Variants in STXBP5L observed in about 807,000 individuals in gnomAD.
STXBP5L encodes the protein syntaxin-binding protein 5-like.
Under a neutral mutation model 144.5 loss-of-function variants are expected in STXBP5L, and 65 were observed. The ratio of observed to expected loss-of-function variants is 0.45; its 90% CI spans 0.37 to 0.55. STXBP5L has a LOEUF of 0.55. Ranked by LOEUF, STXBP5L falls within the 20% of genes least tolerant of loss-of-function variation. The pLI, the probability that STXBP5L is intolerant of heterozygous loss-of-function variation, is 0.00. For synonymous variants in STXBP5L, 505 were observed against 469.6 expected (o/e 1.08, Z -0.97); for missense variants, 1,298 against 1,405.5 (o/e 0.92, Z 1.22).
intron 2 of STXBP5L, among the ~76,000 whole-genome samples, chr3:120,944,527 T>C (rs1475142677): frequency 6.6e-6 from 1 of 151,762 alleles, no homozygotes; most frequent in Non-Finnish European, 1.5e-5. Flanking sequence ...GGATTAGTGC[T>C]TTATTCTTTT....
intron 9 of STXBP5L, among the ~76,000 whole-genome samples, chr3:121,160,452 T>C (rs1437439066): frequency 6.6e-6 from 1 of 152,186 alleles, no homozygotes; most frequent in Non-Finnish European, 1.5e-5. Flanking sequence ...AACAATACAG[T>C]ATCACAACTA....
intron 9 of STXBP5L, among the ~76,000 whole-genome samples, chr3:121,178,389 A>G (rs1038118613): frequency 6.6e-6 from 1 of 152,230 alleles, no homozygotes; most frequent in African/African-American, 2.4e-5. Flanking sequence ...GGCACATTAC[A>G]TCTGTTGAAA....
At chr3:121,394,107 G>A (rs948069527) in intron 22 of STXBP5L, among the ~76,000 whole-genome samples, 14 of 151,980 alleles carry the variant, frequency 9.2e-5, no homozygotes, top group African/African-American at 3.1e-4. Context: ...TCTTTCACTA[G>A]TGTTTTTTAA....
intron 3 of STXBP5L, among the ~76,000 whole-genome samples, chr3:120,994,638 G>C (rs1943193676): frequency 6.6e-6 from 1 of 152,016 alleles, no homozygotes; most frequent in African/African-American, 2.4e-5. Context: ...AATCCTACTT[G>C]ATCATGCTAT....
intron 9 of STXBP5L, among the ~76,000 whole-genome samples, chr3:121,183,432 G>T (rs2047237750): frequency 1.3e-5 from 2 of 152,132 alleles, no homozygotes; most frequent in Admixed American, 6.6e-5. Context: ...TTTGATAAAT[G>T]AATCAGTAAA....
chr3:120,978,621 C>T (rs978362588), intron 3 of STXBP5L, among the ~76,000 whole-genome samples: 3 of 152,106 alleles, frequency 2.0e-5, no homozygotes, highest in Non-Finnish European at 2.9e-5. Flanking sequence ...GAGAGGCACT[C>T]TGCTTTTTAG....
rs540987011 is a variant in STXBP5L, at chr3:121,424,007, A to T, written c.*4910A>T. 3.9e-5 allele frequency: 6 copies of T among 152,344 alleles called. No homozygotes were observed. Among genetic ancestry groups the T allele is most frequent in the Non-Finnish European group, 7.3e-5 (5 of 68,034 alleles). 9.4% of individuals were successfully genotyped at this position (152,344 alleles called of 1,614,324 possible). A position where few individuals can be genotyped will look rare whatever the true frequency, so the allele number is the denominator to read the frequency against. ...TCTTACACATGTGACATCACAAGATACCAGAAGTAGCACAGTAAATTCAAG... is the reference window on the plus strand; with the variant it reads ...TCTTACACATGTGACATCACAAGATTCCAGAAGTAGCACAGTAAATTCAAG... On this transcript the variant is annotated 3_prime_UTR_variant, in exon 27 of 27. Transcript: ENST00000471454.
At chr3:121,224,347 T>G (rs553598742) in intron 11 of STXBP5L, among the ~76,000 whole-genome samples, 15 of 152,304 alleles carry the variant, frequency 9.8e-5, no homozygotes, top group African/African-American at 2.9e-4. Context: ...TGGGATAAAT[T>G]GATATTAAAT....
rs763793317 is a variant in STXBP5L at position 121,418,349 on chromosome 3, C to T, written c.3239C>T (p.Ser1080Leu). The change falls in exon 26 of 27, where the codon TCG becomes TTG. Residue 1080 changes from serine (S) to leucine (L), a missense_variant. Transcript: ENST00000471454. ...CATATATTCTCAGTTGGGGAAGCTT[C>T]GGCAGGAAAAGCATCCCGCAGCCTT... is the stretch of plus-strand genomic sequence containing the variant. Reference protein sequence around the residue: ...FDREELFGEASAGKASRSLAQ... With the variant: ...FDREELFGEALAGKASRSLAQ... 1.2e-6 allele frequency: 2 copies of T among 1,613,074 alleles called. No homozygotes were observed. Among genetic ancestry groups the T allele is most frequent in the Non-Finnish European group, 1.7e-6 (2 of 1,179,458 alleles).
intron 18 of STXBP5L, among the ~76,000 whole-genome samples, chr3:121,270,290 A>C (rs1289075383): frequency 6.6e-6 from 1 of 151,606 alleles, no homozygotes; most frequent in Non-Finnish European, 1.5e-5. Flanking sequence ...AAGAAATTCA[A>C]CATTGATTCA....
chr3:121,189,396 G>A (rs969073690), intron 9 of STXBP5L, among the ~76,000 whole-genome samples: 2 of 151,834 alleles, frequency 1.3e-5, no homozygotes, highest in African/African-American at 4.8e-5. Flanking sequence ...ATTAATTTTT[G>A]TATAAAGTGT....
Position 121,273,327 on chromosome 3 carries a change from A to G in STXBP5L, c.1959-6478A>G, listed in dbSNP as rs188656607. ...TTTTTTTTTTCTTTTTGCGCTTTGA[A>G]TAAATCATCCCATTCTCTGGTGCTG... On this transcript the variant is annotated intron_variant, in intron 18 of 26. Transcript: ENST00000471454. Among the ~76,000 whole-genome samples, 27 of 152,042 alleles carry G rather than the reference A, an allele frequency of 1.8e-4. No homozygotes were observed. In the East Asian group the frequency reaches 5.2e-3, roughly 29 times the overall value.
intron 18 of STXBP5L, among the ~76,000 whole-genome samples, chr3:121,272,056 T>TGAAGAATGTCTCACATGTGCTGGA (rs2050750518): frequency 6.6e-6 from 1 of 152,258 alleles, no homozygotes; most frequent in Non-Finnish European, 1.5e-5. Context: ...TTATCTGTTC[T>TGAAGAATGTCTCACATGTGCTGGA]GAAGAATGTC....
At chr3:121,142,280 A>G (rs1188992819) in intron 7 of STXBP5L, among the ~76,000 whole-genome samples, 1 of 152,034 alleles carries the variant, frequency 6.6e-6, no homozygotes, top group African/African-American at 2.4e-5. Context: ...TCAGAACTGA[A>G]GGGAGAAATA....
intron 3 of STXBP5L, among the ~76,000 whole-genome samples, chr3:120,974,192 C>T (rs1940645710): frequency 2.0e-5 from 3 of 152,144 alleles, no homozygotes; most frequent in African/African-American, 7.2e-5. Flanking sequence ...TCCACATCCT[C>T]TCTAGCACCT....
chr3:121,180,491 C>T (rs543466578), intron 9 of STXBP5L, among the ~76,000 whole-genome samples: 32 of 152,218 alleles, frequency 2.1e-4, no homozygotes, highest in East Asian at 9.7e-4. Flanking sequence ...CTCCTTAAAC[C>T]GTGAAGCTCA....
chr3:121,152,831 T>C lies in STXBP5L; in HGVS notation c.753+271T>C, dbSNP rs545267014. Among the ~76,000 whole-genome samples the C allele has an allele frequency of 2.6e-5, 4 of 152,100 alleles. No individual in the cohort carries two copies. In the South Asian group the frequency reaches 6.2e-4, roughly 24 times the overall value. On this transcript the variant is annotated intron_variant, in intron 8 of 26. Coordinates refer to ENST00000471454, the MANE Select transcript of STXBP5L (RefSeq NM_001308330.2). ...AATAGATCCTGCCTTGTCAATCTTA[T>C]ATACTTGGGTGCCTGTCACCTGTAC...
chr3:121,114,811 A>G (rs2044159577), intron 5 of STXBP5L, 114 bp from the exon 6 acceptor site: 3 of 593,432 alleles, frequency 5.1e-6, no homozygotes, highest in South Asian at 6.4e-5. Flanking sequence ...ATACTTGAGT[A>G]TATAGTACAT....
chr3:120,937,850 T>G (rs998437616), intron 2 of STXBP5L, among the ~76,000 whole-genome samples: 2 of 152,190 alleles, frequency 1.3e-5, no homozygotes, highest in African/African-American at 4.8e-5. Context: ...ATTTACAACT[T>G]TCTGAGTTAC....
Sources: gnomAD v4.1 joint callset for allele counts (sites outside exome capture counted in the v4.1 genomes callset) on GRCh38, gnomAD v4.1.1 for gene constraint, MANE v1.5 for transcripts, NCBI Gene and HGNC (gene_info 2026-07-23, HGNC 2026-07-21) for gene names.